EYS: variants seen among roughly 807,000 people sequenced by gnomAD.
EYS encodes the protein EGF-like photoreceptor maintenance factor.
In EYS, 250 loss-of-function variants were observed where a neutral mutation model predicts 282.1. That is an observed-to-expected ratio of 0.89 (90% confidence interval 0.80 to 0.98). The LOEUF (loss-of-function observed/expected upper bound fraction) is 0.98, where lower values mean the gene tolerates loss of function less well. Ranked by LOEUF, EYS falls within the 50% of genes least tolerant of loss-of-function variation. The probability of loss-of-function intolerance (pLI) is 0.00; values close to 1 mark genes in which losing one functional copy is unlikely to be tolerated. For synonymous variants in EYS, 1,355 were observed against 1,282.9 expected (o/e 1.06, Z -1.20); for missense variants, 4,016 against 3,709.0 (o/e 1.08, Z -2.15).
At chr6:64,068,491 A>G (rs1771456441) in intron 32 of EYS, among the ~76,000 whole-genome samples, 2 of 119,102 alleles carry the variant, frequency 1.7e-5, no homozygotes, top group African/African-American at 3.2e-5. Context: ...TAGTCCTTTC[A>G]TGTCATGTTT....
At chr6:64,425,161 G>A (rs1038769942) in intron 28 of EYS, among the ~76,000 whole-genome samples, 10 of 152,158 alleles carry the variant, frequency 6.6e-5, no homozygotes, top group Admixed American at 6.5e-4. Flanking sequence ...GAGGAACACA[G>A]GCAGGAACAC....
At chr6:64,258,900 G>A (rs141995514) in intron 30 of EYS, among the ~76,000 whole-genome samples, 1,873 of 152,040 alleles carry the variant, frequency 0.012, 45 homozygotes, top group African/African-American at 0.042. Flanking sequence ...ATATCTAGAT[G>A]GAATTCAGGT....
At chr6:65,058,205 C>A (rs574585578) in intron 12 of EYS, among the ~76,000 whole-genome samples, 5 of 152,210 alleles carry the variant, frequency 3.3e-5, no homozygotes, top group Middle Eastern at 3.4e-3. Flanking sequence ...GGCTGTAGTG[C>A]AGTGGTGCGA....
intron 32 of EYS, among the ~76,000 whole-genome samples, chr6:64,078,205 T>C (rs1771837754): frequency 6.6e-6 from 1 of 152,164 alleles, no homozygotes; most frequent in South Asian, 2.1e-4. Flanking sequence ...GTTTGTGAAA[T>C]GGAATTGAGT....
At chr6:63,874,624 A>C (rs1668389708) in intron 35 of EYS, among the ~76,000 whole-genome samples, 1 of 151,782 alleles carries the variant, frequency 6.6e-6, no homozygotes, top group African/African-American at 2.4e-5. Context: ...CTTCCTATCC[A>C]TGAGCATGGA....
intron 29 of EYS, among the ~76,000 whole-genome samples, chr6:64,326,460 T>C (rs1204216197): frequency 2.6e-5 from 4 of 152,212 alleles, no homozygotes; most frequent in Admixed American, 6.5e-5. Context: ...CCATCTCACA[T>C]AGTTGCTGCT....
intron 11 of EYS, chr6:65,331,545 C>A (rs1435381963): frequency 1.0e-6 from 1 of 964,078 alleles, no homozygotes; most frequent in Middle Eastern, 5.4e-4. Flanking sequence ...GAGACAATAT[C>A]AAGAACTCAT....
At chr6:63,797,697 C>A (rs1015231296) in intron 37 of EYS, 1 of 152,118 alleles carries the variant, frequency 6.6e-6, no homozygotes, top group African/African-American at 2.4e-5. Flanking sequence ...CCATTGAGCA[C>A]AATGGATACA....
chr6:63,984,486 C>T lies in EYS; in HGVS notation c.6952G>A (p.Glu2318Lys), dbSNP rs925168425. Residue 2318 changes from glutamate (E) to lysine (K), a missense_variant, in exon 35 of 43, where the codon GAA (glutamate) becomes AAA (lysine). By Grantham distance (56) the Glu-to-Lys change is moderately conservative (BLOSUM62 1). Transcript: ENST00000503581. ...CGTGCTTCATCGATGATGAAGAATT[C>T]TTTGTTGTTTACTTGAAGGTCTAGA... ...CILDLQVNNK[E>K]FFIIDEARHG... 5.8e-6 allele frequency: 9 copies of T among 1,549,708 alleles called. No homozygotes were observed. The highest frequency in any genetic ancestry group is 6.1e-6 in the Non-Finnish European group (7 of 1,145,552).
At chr6:64,302,827 T>G (rs572456276) in intron 30 of EYS, among the ~76,000 whole-genome samples, 3 of 152,136 alleles carry the variant, frequency 2.0e-5, no homozygotes, top group Non-Finnish European at 4.4e-5. Context: ...ACCTGCACTT[T>G]TATGGAAAGA....
intron 22 of EYS, among the ~76,000 whole-genome samples, chr6:64,804,625 A>C (rs376702147): frequency 2.0e-4 from 31 of 152,106 alleles, no homozygotes; most frequent in African/African-American, 7.5e-4. Flanking sequence ...GATCCTATGG[A>C]TCGTATATGC....
At chr6:65,583,889 ACTAC>A (rs1764950764) in intron 2 of EYS, among the ~76,000 whole-genome samples, 1 of 152,068 alleles carries the variant, frequency 6.6e-6, no homozygotes, top group Non-Finnish European at 1.5e-5. Context: ...ATATTAACAT[ACTAC>A]CTAACATATC....
At chr6:65,500,517 G>A (rs934681135) in intron 2 of EYS, among the ~76,000 whole-genome samples, 1 of 151,858 alleles carries the variant, frequency 6.6e-6, no homozygotes, top group Non-Finnish European at 1.5e-5. Context: ...GGGATTATGG[G>A]AGAGAAAAAT....
chr6:63,805,246 CAT>C (rs1195467200), intron 37 of EYS, among the ~76,000 whole-genome samples: 1 of 152,154 alleles, frequency 6.6e-6, no homozygotes, highest in Admixed American at 6.6e-5. Context: ...AAAAGTAAAA[CAT>C]AGGTAATTTT....
At chr6:65,314,562 GTGTGT>G (rs1769249387) in intron 11 of EYS, among the ~76,000 whole-genome samples, 26 of 6,258 alleles carry the variant, frequency 4.2e-3, no homozygotes, top group African/African-American at 0.01. Flanking sequence ...TCCCCTTATG[GTGTGT>G]GTGTGTGTGT....
chr6:65,093,610 C>T (rs1168634143), intron 12 of EYS, among the ~76,000 whole-genome samples: 2 of 151,568 alleles, frequency 1.3e-5, no homozygotes, highest in African/African-American at 4.8e-5. Context: ...CTCATGGTAA[C>T]CATGAAGAAT....
chr6:64,227,143 C>G, intron 31 of EYS, among the ~76,000 whole-genome samples: 1 of 151,904 alleles, frequency 6.6e-6, no homozygotes, highest in East Asian at 1.9e-4. Flanking sequence ...TTTAAATACT[C>G]TAAAATCTGC....
At chr6:65,339,577 G>T (rs1310799232) in intron 10 of EYS, among the ~76,000 whole-genome samples, 3 of 151,056 alleles carry the variant, frequency 2.0e-5, no homozygotes, top group African/African-American at 7.3e-5. Flanking sequence ...TAAATACAGG[G>T]TTTGGTACTA....
intron 2 of EYS, among the ~76,000 whole-genome samples, chr6:65,530,881 T>C (rs1290081869): frequency 6.6e-6 from 1 of 152,140 alleles, no homozygotes; most frequent in African/African-American, 2.4e-5. Context: ...GTCCCATATT[T>C]TTCTCTTTAA....
Sources: allele counts gnomAD v4.1 joint callset (sites outside exome capture counted in the v4.1 genomes callset), GRCh38; gene constraint gnomAD v4.1.1; transcripts MANE v1.5; gene names NCBI Gene and HGNC (gene_info 2026-07-23, HGNC 2026-07-21).